POU6F2: variants seen among roughly 807,000 people sequenced by gnomAD.
The protein encoded by POU6F2 is POU class 6 homeobox 2.
In POU6F2, 31 loss-of-function variants were observed where a neutral mutation model predicts 71.3. The observed-to-expected ratio is 0.43, with a 90% CI of 0.33 to 0.59. The LOEUF is 0.59. Ranked by LOEUF, POU6F2 falls within the 20% of genes least tolerant of loss-of-function variation. The pLI is 0.04. For synonymous variants in POU6F2, 347 were observed against 355.7 expected (o/e 0.98, Z 0.27); for missense variants, 783 against 856.8 (o/e 0.91, Z 1.07).
At chr7:39,211,556 ATTATT>A (rs1221144167) in intron 4 of POU6F2, among the ~76,000 whole-genome samples, 5 of 152,142 alleles carry the variant, frequency 3.3e-5, no homozygotes, top group Non-Finnish European at 7.4e-5. Flanking sequence ...TGGCCTGGGA[ATTATT>A]TTATCTTTCT....
Position 39,444,195 on chromosome 7 carries a change from A to T in POU6F2, c.1321-7338A>T, listed in dbSNP as rs569190138. ...CTGAAATGTAAACAGTATTTTTTTA[A>T]AAAAAACACCGGTATTTGACAGCCC... On this transcript the variant is annotated intron_variant, in intron 7 of 9. Coordinates refer to ENST00000518318, the MANE Select transcript of POU6F2 (RefSeq NM_001370959.1). Among the ~76,000 whole-genome samples the T allele has an allele frequency of 9.1e-3, 646 of 70,988 alleles. 5 individuals are homozygous for T. The highest frequency in any genetic ancestry group is 0.045 in the African/African-American group (591 of 13,118). The allele number at this position is 70,988 out of a possible 152,430, so 46.6% of individuals were successfully genotyped here.
At chr7:39,178,791 G>A (rs1793378908) in intron 2 of POU6F2, among the ~76,000 whole-genome samples, 1 of 152,188 alleles carries the variant, frequency 6.6e-6, no homozygotes, top group Non-Finnish European at 1.5e-5. Flanking sequence ...TCTGTTGACT[G>A]CCAGTTTACC....
At chr7:39,349,798 T>A (rs1264115855) in intron 5 of POU6F2, among the ~76,000 whole-genome samples, 2 of 152,188 alleles carry the variant, frequency 1.3e-5, no homozygotes, top group Non-Finnish European at 2.9e-5. Context: ...TGTTGAGAAC[T>A]AAATTGGGCA....
intron 5 of POU6F2, among the ~76,000 whole-genome samples, chr7:39,371,212 C>T (rs1786601055): frequency 6.6e-6 from 1 of 151,410 alleles, no homozygotes; most frequent in Admixed American, 6.6e-5. Flanking sequence ...AAGAGTCTCG[C>T]TTTGTCACCC....
intron 7 of POU6F2, among the ~76,000 whole-genome samples, chr7:39,445,457 A>C (rs1295056887): frequency 6.6e-6 from 1 of 152,124 alleles, no homozygotes; most frequent in African/African-American, 2.4e-5. Context: ...CTTTCTGTGC[A>C]TTCTGTGCCC....
At chr7:39,151,482 T>G (rs1325599767) in intron 2 of POU6F2, among the ~76,000 whole-genome samples, 1 of 152,198 alleles carries the variant, frequency 6.6e-6, no homozygotes, top group African/African-American at 2.4e-5. Flanking sequence ...CAAATCCCTG[T>G]TGAGCTGATG....
chr7:39,384,899 G>A (rs1786904480), intron 5 of POU6F2, among the ~76,000 whole-genome samples: 1 of 152,166 alleles, frequency 6.6e-6, no homozygotes, highest in African/African-American at 2.4e-5. Flanking sequence ...GAAGCTTTGT[G>A]TCCTCTAAAT....
intron 4 of POU6F2, among the ~76,000 whole-genome samples, chr7:39,278,127 G>A (rs1269102808): frequency 1.4e-5 from 2 of 147,072 alleles, no homozygotes; most frequent in African/African-American, 2.5e-5. Flanking sequence ...GAGGGAGGAA[G>A]GAATCAAATG....
chr7:39,065,851 T>C (rs1790743375), intron 1 of POU6F2, among the ~76,000 whole-genome samples: 1 of 151,606 alleles, frequency 6.6e-6, no homozygotes, highest in Non-Finnish European at 1.5e-5. Flanking sequence ...ATTTTACTAG[T>C]AAATAATCTC....
intron 6 of POU6F2, among the ~76,000 whole-genome samples, chr7:39,432,469 A>G (rs970849872): frequency 1.3e-5 from 2 of 152,158 alleles, no homozygotes; most frequent in African/African-American, 4.8e-5. Context: ...ACAGTCAGTA[A>G]GTGGCACAGC....
chr7:39,166,689 C>T (rs1277279283), intron 2 of POU6F2, among the ~76,000 whole-genome samples: 1 of 152,142 alleles, frequency 6.6e-6, no homozygotes, highest in Non-Finnish European at 1.5e-5. Context: ...TTTTTGTTAC[C>T]ACTGTGATCC....
At chr7:39,276,683 A>C (rs1030633538) in intron 4 of POU6F2, among the ~76,000 whole-genome samples, 3 of 152,024 alleles carry the variant, frequency 2.0e-5, no homozygotes, top group African/African-American at 7.3e-5. Context: ...CTGGATTAAG[A>C]AAATGTGGCA....
rs1562677676 is a variant in POU6F2 at position 39,030,540 on chromosome 7, A to ATG, written c.105+52483_105+52484insGT. ...TATATATATATATATATATATATAT[A>ATG]TATACACACACATACATATATTCCA... On this transcript the variant is annotated intron_variant, in intron 1 of 9. Coordinates refer to ENST00000518318, the MANE Select transcript of POU6F2 (RefSeq NM_001370959.1). Among the ~76,000 whole-genome samples the ATG allele has an allele frequency of 2.4e-3, 310 of 130,388 alleles. 16 individuals carry two copies. The highest frequency in any genetic ancestry group is 5.2e-3 in the African/African-American group (188 of 36,234). 85.5% of individuals were successfully genotyped at this position (130,388 alleles called of 152,430 possible).
At chr7:39,451,836 C>G in intron 8 of POU6F2, 135 bp downstream of exon 8, 1 of 1,156,258 alleles carries the variant, frequency 8.6e-7, no homozygotes, top group Non-Finnish European at 1.2e-6. Context: ...TTTCCTGGCA[C>G]TGCTAGGTCA....
intron 1 of POU6F2, among the ~76,000 whole-genome samples, chr7:38,991,135 C>T (rs1788593823): frequency 6.6e-6 from 1 of 151,882 alleles, no homozygotes; most frequent in African/African-American, 2.4e-5. Flanking sequence ...ATTATGGGCT[C>T]AAATTATTAA....
intron 7 of POU6F2, among the ~76,000 whole-genome samples, chr7:39,434,173 C>A (rs182796075): frequency 6.6e-6 from 1 of 151,736 alleles, no homozygotes; most frequent in Non-Finnish European, 1.5e-5. Flanking sequence ...ACCAAGTAAA[C>A]GAAGGGTTAA....
At chr7:39,135,596 G>A (rs1394545616) in intron 2 of POU6F2, among the ~76,000 whole-genome samples, 2 of 149,140 alleles carry the variant, frequency 1.3e-5, no homozygotes, top group African/African-American at 2.5e-5. Context: ...CAATAAAATT[G>A]AATATCTATT....
intron 4 of POU6F2, among the ~76,000 whole-genome samples, chr7:39,223,121 C>T (rs1240756766): frequency 1.3e-5 from 2 of 152,066 alleles, no homozygotes; most frequent in African/African-American, 2.4e-5. Context: ...TAGTAGCTAT[C>T]CTGTTGGGTG....
chr7:39,120,147 T>TACATGA (rs1792010638), intron 2 of POU6F2, among the ~76,000 whole-genome samples: 1 of 152,214 alleles, frequency 6.6e-6, no homozygotes, highest in African/African-American at 2.4e-5. Flanking sequence ...TTCAGTTCTA[T>TACATGA]ATTATACTTC....
Sources: allele counts gnomAD v4.1 joint callset (sites outside exome capture counted in the v4.1 genomes callset), GRCh38; gene constraint gnomAD v4.1.1; transcripts MANE v1.5; gene names NCBI Gene and HGNC (gene_info 2026-07-23, HGNC 2026-07-21).